Variants in MSR1 observed in about 807,000 individuals in gnomAD.
The protein encoded by MSR1 is macrophage scavenger receptor 1, also known as macrophage scavenger receptor types I and II.
In MSR1, 53 loss-of-function variants were observed where a neutral mutation model predicts 47.2. The ratio of observed to expected loss-of-function variants is 1.12; its 90% CI spans 0.90 to 1.41. MSR1 has a LOEUF of 1.41. Ranked by LOEUF, MSR1 falls within the 40% of genes most tolerant of loss-of-function variation. The pLI is 0.00. For missense variants in MSR1, 786 were observed against 546.9 expected, an observed-to-expected ratio of 1.44 and a Z score of -4.36; for synonymous variants, 239 against 185.6, an observed-to-expected ratio of 1.29 and a Z score of -2.34.
At chr8:16,134,627 T>G (rs991311342) in intron 8 of MSR1, among the ~76,000 whole-genome samples, 1 of 152,138 alleles carries the variant, frequency 6.6e-6, no homozygotes, top group African/African-American at 2.4e-5. Flanking sequence ...GGCCTCTAAG[T>G]GTTCCATTGA....
rs1563139428 is a variant in MSR1 at position 16,120,615 on chromosome 8, T to TAAAA, written c.1034-10_1034-9insTTTT. 1.5e-5 allele frequency: 20 copies of TAAAA among 1,334,314 alleles called. No individual in the cohort carries two copies. In the African/African-American group the frequency reaches 5.1e-4, roughly 34 times the overall value. The allele number at this position is 1,334,314 out of a possible 1,614,324, so 82.7% of individuals were successfully genotyped here. Reference sequence around the variant, plus strand: ...AACTTTCGTAAATGGAGCTGTAAAGTTAAAAAAAAAAAAAAAAAAAAAAAA... The same window carrying TAAAA: ...AACTTTCGTAAATGGAGCTGTAAAGTAAAATAAAAAAAAAAAAAAAAAAAAAAAA... On this transcript the variant is annotated splice_polypyrimidine_tract_variant and intron_variant, in intron 8 of 9. Transcript: ENST00000262101.
In MSR1 at chr8:16,109,402, A is replaced by G. The variant is rs34918250; in HGVS notation, c.*683T>C. ...GTTAAGTGGCATTTTTGATCCACCAATTATCTGGACAAATATACTGATGGT... is the reference window on the plus strand; with the variant it reads ...GTTAAGTGGCATTTTTGATCCACCAGTTATCTGGACAAATATACTGATGGT... On this transcript the variant is annotated 3_prime_UTR_variant, in exon 10 of 10. Coordinates refer to ENST00000262101, the MANE Select transcript of MSR1 (RefSeq NM_138715.3). The G allele has an allele frequency of 0.026, 3,936 of 152,248 alleles. 135 individuals are homozygous for G. Among genetic ancestry groups the G allele is most frequent in the East Asian group, 0.14 (715 of 5,170 alleles). 9.4% of individuals were successfully genotyped at this position (152,248 alleles called of 1,614,324 possible). A position where few individuals can be genotyped will look rare whatever the true frequency, so the allele number is the denominator to read the frequency against.
At chr8:16,139,308 A>G in intron 8 of MSR1, 2 of 983,388 alleles carry the variant, frequency 2.0e-6, no homozygotes, top group Non-Finnish European at 2.4e-6. Context: ...GATCACTGCG[A>G]AGCATACCTT....
chr8:16,190,178 G>T (rs1802158623), intron 1 of MSR1, among the ~76,000 whole-genome samples: 1 of 151,962 alleles, frequency 6.6e-6, no homozygotes, highest in South Asian at 2.1e-4. Flanking sequence ...GATTACAGAT[G>T]TGAGCCACTG....
At chr8:16,166,087 C>T (rs1177835015) in intron 4 of MSR1, among the ~76,000 whole-genome samples, 1 of 151,448 alleles carries the variant, frequency 6.6e-6, no homozygotes, top group African/African-American at 2.4e-5. Flanking sequence ...AGTGACTAGA[C>T]AGTGATTTTG....
At position 16,170,020 on chromosome 8, in the gene MSR1, G is replaced by C. The variant is rs368995383; in HGVS notation, c.218-1150C>G. ...ATAATCTAAAGCAATATGTTTTCTA[G>C]TTTCAAAAAAATAAAAGGCTTAAAC... On this transcript the variant is annotated intron_variant, in intron 3 of 9. Coordinates refer to ENST00000262101, the MANE Select transcript of MSR1 (RefSeq NM_138715.3). Among the ~76,000 whole-genome samples the C allele has an allele frequency of 5.9e-5, 9 of 152,070 alleles. No individual in the cohort carries two copies. The East Asian group carries it at 1.7e-3, about 29-fold the overall frequency.
intron 3 of MSR1, among the ~76,000 whole-genome samples, chr8:16,171,426 A>C (rs1324464853): frequency 6.6e-6 from 1 of 152,148 alleles, no homozygotes; most frequent in Non-Finnish European, 1.5e-5. Context: ...GATGTGATCT[A>C]CAATAGAGTT....
In MSR1 at chr8:16,108,700, T is replaced by C. The variant is rs1442900435; in HGVS notation, c.*1385A>G. The C allele has an allele frequency of 6.6e-6, 1 of 152,158 alleles. No homozygotes were observed. The highest frequency in any genetic ancestry group is 1.5e-5 in the Non-Finnish European group (1 of 67,996). 9.4% of individuals were successfully genotyped at this position (152,158 alleles called of 1,614,324 possible). ...AAACAAGTAGAAGAATGTTACATGA[T>C]AAAAATGCATTTTCAGTAGGCTGTT... On this transcript the variant is annotated 3_prime_UTR_variant, in exon 10 of 10. Transcript: ENST00000262101.
intron 1 of MSR1, among the ~76,000 whole-genome samples, chr8:16,186,491 T>A (rs766360683): frequency 4.6e-5 from 7 of 152,174 alleles, no homozygotes; most frequent in Non-Finnish European, 7.3e-5. Context: ...GGTCTTCTTT[T>A]CCTCGCCTTT....
intron 8 of MSR1, among the ~76,000 whole-genome samples, chr8:16,131,785 T>A (rs1344632305): frequency 6.6e-6 from 1 of 152,070 alleles, no homozygotes; most frequent in African/African-American, 2.4e-5. Flanking sequence ...AAAGATCAAA[T>A]AGTTGTAGAT....
chr8:16,163,648 T>C (rs1303073688), intron 5 of MSR1, among the ~76,000 whole-genome samples: 2 of 151,630 alleles, frequency 1.3e-5, no homozygotes, highest in East Asian at 3.9e-4. Flanking sequence ...AAATCCATCA[T>C]TATTTTGGAG....
intron 8 of MSR1, among the ~76,000 whole-genome samples, chr8:16,143,053 CTTG>C (rs377211515): frequency 7.9e-5 from 12 of 152,182 alleles, no homozygotes; most frequent in African/African-American, 2.2e-4. Flanking sequence ...GACAAATATT[CTTG>C]TTGTGAAATC....
At chr8:16,189,229 C>A (rs950925641) in intron 1 of MSR1, among the ~76,000 whole-genome samples, 4 of 118,622 alleles carry the variant, frequency 3.4e-5, no homozygotes. Flanking sequence ...TATGTAAAAT[C>A]TTATTTTATA....
chr8:16,154,721 C>CTACG (rs1800952035), intron 6 of MSR1, among the ~76,000 whole-genome samples: 1 of 151,924 alleles, frequency 6.6e-6, no homozygotes, highest in Non-Finnish European at 1.5e-5. Context: ...CACATATGAT[C>CTACG]TACGGTTAGG....
At chr8:16,146,328 T>A (rs1800698010) in intron 7 of MSR1, among the ~76,000 whole-genome samples, 1 of 151,978 alleles carries the variant, frequency 6.6e-6, no homozygotes, top group East Asian at 1.9e-4. Flanking sequence ...CTCTATTTTA[T>A]CTTTCCATAA....
chr8:16,113,178 C>T (rs983371921), intron 9 of MSR1, among the ~76,000 whole-genome samples: 8 of 151,700 alleles, frequency 5.3e-5, no homozygotes, highest in African/African-American at 1.9e-4. Flanking sequence ...TCGATCTCTT[C>T]ACCTTGTGAT....
At chr8:16,177,806 A>G in intron 2 of MSR1, 80 bp downstream of exon 2, 1 of 1,080,660 alleles carries the variant, frequency 9.3e-7, no homozygotes, top group Non-Finnish European at 1.4e-6. Context: ...CATTTAAGGT[A>G]AGTCTCAAGA....
rs1246214487 is a variant in MSR1, at chr8:16,140,211, T to C, written c.1033+3347A>G. 11 of 984,964 alleles carry C rather than the reference T, an allele frequency of 1.1e-5. No homozygotes were observed. In the Admixed American group the frequency reaches 1.8e-4, roughly 17 times the overall value. 61.0% of individuals were successfully genotyped at this position (984,964 alleles called of 1,614,324 possible). On this transcript the variant is annotated intron_variant, in intron 8 of 9. Transcript: ENST00000262101. ...TTCTCCTAGAACCCAATAAATTAAA[T>C]TGTGTTCTAGACTCTAGGTGAATGC...
At chr8:16,125,847 G>T (rs2117073670) in intron 8 of MSR1, among the ~76,000 whole-genome samples, 1 of 152,134 alleles carries the variant, frequency 6.6e-6, no homozygotes, top group Non-Finnish European at 1.5e-5. Context: ...GCTCACTGCA[G>T]CCTCAAACTC....
Sources: allele counts gnomAD v4.1 joint callset (sites outside exome capture counted in the v4.1 genomes callset), GRCh38; gene constraint gnomAD v4.1.1; transcripts MANE v1.5; gene names NCBI Gene and HGNC (gene_info 2026-07-23, HGNC 2026-07-21).